The following TAF12 variants were observed in gnomAD, a reference collection of about 807,000 sequenced individuals.
TAF12 encodes the protein transcription initiation factor TFIID subunit 12.
Under a neutral mutation model 20.8 loss-of-function variants are expected in TAF12, and 3 were observed. The ratio of observed to expected loss-of-function variants is 0.14; its 90% CI spans 0.07 to 0.37. The LOEUF (loss-of-function observed/expected upper bound fraction) is 0.37. TAF12 is among the 10% of genes least tolerant of loss of function. The pLI is 1.00. For synonymous variants in TAF12, 69 were observed against 70.2 expected (o/e 0.98, Z 0.09); for missense variants, 131 against 197.9 (o/e 0.66, Z 2.03).
intron 1 of TAF12, 104 bp downstream of exon 1, chr1:28,642,888 G>T (rs1403581422): frequency 3.0e-6 from 3 of 985,990 alleles, no homozygotes; most frequent in Non-Finnish European, 3.6e-6. Context: ...TCACAGCCCC[G>T]TCTCGTCCAC....
intron 1 of TAF12, among the ~76,000 whole-genome samples, chr1:28,638,842 A>G (rs1333011852): frequency 7.5e-6 from 1 of 132,896 alleles, no homozygotes; most frequent in Non-Finnish European, 1.5e-5. Context: ...CCCGGGCTGC[A>G]GTGCAGTGGC....
chr1:28,623,548 A>G (rs1667289509), intron 1 of TAF12, among the ~76,000 whole-genome samples: 1 of 152,174 alleles, frequency 6.6e-6, no homozygotes, highest in East Asian at 1.9e-4. Flanking sequence ...AGAACTTTGT[A>G]AAAATAGTTA....
intron 1 of TAF12, among the ~76,000 whole-genome samples, chr1:28,639,409 A>G (rs1186351548): frequency 8.0e-6 from 1 of 124,388 alleles, no homozygotes; most frequent in Non-Finnish European, 1.7e-5. Context: ...AGAGTGAAAG[A>G]GCGAAACTCC....
chr1:28,609,614 G>T (rs1325330903), intron 4 of TAF12, among the ~76,000 whole-genome samples: 2 of 151,912 alleles, frequency 1.3e-5, no homozygotes, highest in Non-Finnish European at 2.9e-5. Flanking sequence ...AGCCTCTGGA[G>T]TAGCTGGGAC....
intron 1 of TAF12, among the ~76,000 whole-genome samples, chr1:28,631,792 C>T (rs1018586798): frequency 9.2e-5 from 14 of 152,124 alleles, no homozygotes; most frequent in Admixed American, 5.9e-4. Context: ...TTTTAAAAAA[C>T]ATGATATACC....
chr1:28,643,113 C>G, upstream of TAF12: 1 of 985,940 alleles, frequency 1.0e-6, no homozygotes, highest in Non-Finnish European at 1.2e-6. Flanking sequence ...CCGCCTCCAA[C>G]CCGGAAACGC....
intron 1 of TAF12, among the ~76,000 whole-genome samples, chr1:28,641,692 G>A (rs1475822280): frequency 1.3e-5 from 2 of 150,800 alleles, no homozygotes; most frequent in Non-Finnish European, 2.9e-5. Context: ...TACTCAGGAG[G>A]TATAGGTGGG....
chr1:28,603,719 A>G (rs1666576737), intron 5 of TAF12, 145 bp from the exon 6 acceptor site: 1 of 755,448 alleles, frequency 1.3e-6, no homozygotes, highest in African/African-American at 1.8e-5. Context: ...ATCTCAGTAG[A>G]TTCCTTTTAA....
intron 2 of TAF12, among the ~76,000 whole-genome samples, chr1:28,618,851 A>T (rs1451142174): frequency 6.6e-6 from 1 of 152,138 alleles, no homozygotes; most frequent in Non-Finnish European, 1.5e-5. Flanking sequence ...AGCCTTCATA[A>T]AGGAAATGTC....
chr1:28,627,391 GAAAAAA>G (rs771889346), intron 1 of TAF12, among the ~76,000 whole-genome samples: 2 of 63,644 alleles, frequency 3.1e-5, no homozygotes, highest in African/African-American at 5.0e-5. Context: ...CCGTCTCAAA[GAAAAAA>G]AAAAAAAAAA....
intron 1 of TAF12, among the ~76,000 whole-genome samples, chr1:28,634,719 C>A (rs1216278215): frequency 6.6e-6 from 1 of 150,696 alleles, no homozygotes; most frequent in African/African-American, 2.4e-5. Flanking sequence ...CACCTGAGGT[C>A]GGAAGTTTGA....
intron 1 of TAF12, 50 bp downstream of exon 1, chr1:28,642,942 G>A (rs1009092654): frequency 2.0e-6 from 2 of 986,326 alleles, no homozygotes; most frequent in South Asian, 4.7e-5. Flanking sequence ...TCTGGGTCCT[G>A]ACTCCCTCCT....
chr1:28,619,447 G>A (rs1570311162), intron 2 of TAF12, among the ~76,000 whole-genome samples: 1 of 144,256 alleles, frequency 6.9e-6, no homozygotes, highest in East Asian at 2.1e-4. Context: ...GCAGTGAGAC[G>A]AGATTGCGCC....
intron 1 of TAF12, among the ~76,000 whole-genome samples, chr1:28,635,982 G>A (rs528183304): frequency 1.3e-5 from 2 of 152,208 alleles, no homozygotes; most frequent in African/African-American, 2.4e-5. Flanking sequence ...CTATACTGTG[G>A]TGCATGACTT....
upstream of TAF12, among the ~76,000 whole-genome samples, chr1:28,645,237 A>G (rs1041169744): frequency 3.3e-4 from 49 of 150,444 alleles, no homozygotes; most frequent in African/African-American, 9.7e-4. Flanking sequence ...GGGTTTCACC[A>G]TGTTAGCCAG....
intron 1 of TAF12, among the ~76,000 whole-genome samples, chr1:28,639,071 G>A (rs1047749430): frequency 2.6e-4 from 39 of 150,102 alleles, no homozygotes; most frequent in Admixed American, 2.1e-3. Context: ...CACCACGCCC[G>A]GCTGGCCTAT....
chr1:28,621,785 A>G, intron 2 of TAF12, 129 bp downstream of exon 2: 1 of 1,399,666 alleles, frequency 7.1e-7, no homozygotes. Flanking sequence ...TTAGAAATCC[A>G]AAAGAGGGAA....
chr1:28,618,920 T>C (rs1467666358), intron 2 of TAF12, among the ~76,000 whole-genome samples: 1 of 152,168 alleles, frequency 6.6e-6, no homozygotes, highest in Non-Finnish European at 1.5e-5. Flanking sequence ...CAGTGATCTG[T>C]GCCTGTAGTC....
chr1:28,605,719 C>T (rs1189051937), intron 4 of TAF12, among the ~76,000 whole-genome samples: 1 of 152,164 alleles, frequency 6.6e-6, no homozygotes, highest in Non-Finnish European at 1.5e-5. Flanking sequence ...TTGACTACCC[C>T]AGCACAAGCG....
Sources: gnomAD v4.1 joint callset for allele counts (sites outside exome capture counted in the v4.1 genomes callset) on GRCh38, gnomAD v4.1.1 for gene constraint, MANE v1.5 for transcripts, NCBI Gene and HGNC (gene_info 2026-07-23, HGNC 2026-07-21) for gene names.